Variants in ZNF536 observed in about 807,000 individuals in gnomAD.
The protein encoded by ZNF536 is zinc finger protein 536.
Under a neutral mutation model 84.5 loss-of-function variants are expected in ZNF536, and 13 were observed. The ratio of observed to expected loss-of-function variants is 0.15; its 90% CI spans 0.10 to 0.24. The LOEUF (loss-of-function observed/expected upper bound fraction) is 0.24, where lower values mean the gene tolerates loss of function less well. Ranked by LOEUF, ZNF536 falls within the 10% of genes least tolerant of loss-of-function variation. ZNF536 has a pLI of 1.00. For missense variants in ZNF536, 1,536 were observed against 1,747.5 expected (o/e 0.88, Z 2.16); for synonymous variants, 811 against 742.5 (o/e 1.09, Z -1.50).
At chr19:30,440,908 TAGATAGATAG>T (rs1452425720) in intron 1 of ZNF536, among the ~76,000 whole-genome samples, 1 of 151,600 alleles carries the variant, frequency 6.6e-6, no homozygotes, top group East Asian at 1.9e-4. Flanking sequence ...GATAGATAGA[TAGATAGATAG>T]ATAGATAGAT....
intron 2 of ZNF536, among the ~76,000 whole-genome samples, chr19:30,533,403 C>T (rs2044937080): frequency 6.6e-6 from 1 of 152,044 alleles, no homozygotes; most frequent in Admixed American, 6.6e-5. Flanking sequence ...ACCTGTAATC[C>T]CAGCTACTTG....
intron 1 of ZNF536, among the ~76,000 whole-genome samples, chr19:30,635,866 T>C (rs1196678581): frequency 6.6e-6 from 1 of 152,196 alleles, no homozygotes; most frequent in Non-Finnish European, 1.5e-5. Context: ...TTACCTCCTC[T>C]CCTGCCTGCT....
At chr19:30,509,340 G>C (rs904411888) in intron 2 of ZNF536, among the ~76,000 whole-genome samples, 5 of 143,160 alleles carry the variant, frequency 3.5e-5, no homozygotes, top group Admixed American at 7.0e-5. Context: ...TATAAGATAT[G>C]ATTATAATTA....
intron 3 of ZNF536, among the ~76,000 whole-genome samples, chr19:30,356,674 C>T (rs1388594252): frequency 6.6e-6 from 1 of 152,226 alleles, no homozygotes; most frequent in Non-Finnish European, 1.5e-5. Context: ...CCACGGTGGA[C>T]ACTTTCCCAG....
intron 1 of ZNF536, among the ~76,000 whole-genome samples, chr19:30,666,544 T>TTTA (rs2050327015): frequency 6.6e-6 from 1 of 151,978 alleles, no homozygotes; most frequent in Non-Finnish European, 1.5e-5. Context: ...TCTATTACTG[T>TTTA]TTAGGCTTTG....
intron 1 of ZNF536, among the ~76,000 whole-genome samples, chr19:30,441,920 C>T (rs1016791099): frequency 6.6e-6 from 1 of 152,202 alleles, no homozygotes; most frequent in Non-Finnish European, 1.5e-5. Flanking sequence ...AGTCTCCTGG[C>T]GGGAGGCCCA....
chr19:30,390,738 G>A (rs760572569), intron 1 of ZNF536, among the ~76,000 whole-genome samples: 29 of 152,186 alleles, frequency 1.9e-4, no homozygotes, highest in African/African-American at 6.8e-4. Context: ...AGGCAGCCCC[G>A]TGAGCTTACT....
intron 2 of ZNF536, among the ~76,000 whole-genome samples, chr19:30,311,725 G>T (rs953362309): frequency 1.3e-5 from 2 of 152,120 alleles, no homozygotes; most frequent in Admixed American, 6.6e-5. Context: ...TGGGTTGAAG[G>T]TGCTAGTTAT....
chr19:30,229,381 A>G (rs1421551167), intron 1 of ZNF536, among the ~76,000 whole-genome samples: 2 of 152,212 alleles, frequency 1.3e-5, no homozygotes, highest in Non-Finnish European at 2.9e-5. Context: ...TGATAAGGAA[A>G]GTGGTTTCAC....
chr19:30,368,226 G>T (rs928453793), upstream of ZNF536, among the ~76,000 whole-genome samples: 7 of 152,230 alleles, frequency 4.6e-5, no homozygotes, highest in Non-Finnish European at 1.0e-4. Flanking sequence ...ACGTGGTGGG[G>T]TGGGGCCCGA....
intron 1 of ZNF536, among the ~76,000 whole-genome samples, chr19:30,612,200 G>A (rs1295029564): frequency 6.6e-6 from 1 of 152,196 alleles, no homozygotes; most frequent in Non-Finnish European, 1.5e-5. Flanking sequence ...TTAGAAATGG[G>A]AAATTGTGAA....
intron 1 of ZNF536, among the ~76,000 whole-genome samples, chr19:30,427,718 C>A (rs2051276679): frequency 6.6e-6 from 1 of 152,056 alleles, no homozygotes; most frequent in South Asian, 2.1e-4. Context: ...AGCATCCTAG[C>A]CTGGCTTCCT....
intron 1 of ZNF536, among the ~76,000 whole-genome samples, chr19:30,700,172 C>T (rs201237500): frequency 7.2e-6 from 1 of 139,498 alleles, no homozygotes; most frequent in Non-Finnish European, 1.5e-5. Context: ...CTTTTCTTTC[C>T]TTCTTTCTTT....
At chr19:30,653,830 G>A (rs1322406377) in intron 1 of ZNF536, among the ~76,000 whole-genome samples, 1 of 152,162 alleles carries the variant, frequency 6.6e-6, no homozygotes, top group Non-Finnish European at 1.5e-5. Flanking sequence ...TTAGACCCCA[G>A]GAAAAGAGGG....
intron 2 of ZNF536, among the ~76,000 whole-genome samples, chr19:30,346,244 G>GA (rs1568347957): frequency 5.3e-5 from 8 of 151,986 alleles, no homozygotes; most frequent in African/African-American, 1.9e-4. Flanking sequence ...GCTCATATGG[G>GA]AGAAGATTTC....
chr19:30,366,897 G>A (rs984134804), intron 3 of ZNF536, among the ~76,000 whole-genome samples: 4 of 152,244 alleles, frequency 2.6e-5, no homozygotes, highest in Non-Finnish European at 5.9e-5. Context: ...GAGGGACTGA[G>A]GGCTGGCTGA....
chr19:30,243,020 T>G (rs1215067890), intron 1 of ZNF536, among the ~76,000 whole-genome samples: 1 of 152,216 alleles, frequency 6.6e-6, no homozygotes, highest in Non-Finnish European at 1.5e-5. Context: ...TGCAAAATAT[T>G]AAAATGTAAA....
chr19:30,262,453 T>A (rs2145294904), intron 1 of ZNF536, among the ~76,000 whole-genome samples: 2 of 152,346 alleles, frequency 1.3e-5, no homozygotes, highest in South Asian at 4.1e-4. Context: ...CTGATGGCAG[T>A]CTTTGCTCCT....
chr19:30,237,517 G>C (rs889867289), intron 1 of ZNF536, among the ~76,000 whole-genome samples: 2 of 152,164 alleles, frequency 1.3e-5, no homozygotes, highest in African/African-American at 4.8e-5. Flanking sequence ...TCATCTCAAA[G>C]GTAGGCGAGT....
Sources: gnomAD v4.1 joint callset for allele counts (sites outside exome capture counted in the v4.1 genomes callset) on GRCh38, gnomAD v4.1.1 for gene constraint, MANE v1.5 for transcripts, NCBI Gene and HGNC (gene_info 2026-07-23, HGNC 2026-07-21) for gene names.